Variants in FLRT2 observed in about 807,000 individuals in gnomAD.
FLRT2 encodes the protein fibronectin leucine rich transmembrane protein 2, also known as leucine-rich repeat transmembrane protein FLRT2.
A neutral mutation model predicts 40.0 loss-of-function variants in FLRT2; 15 were observed. The ratio of observed to expected loss-of-function variants is 0.38; its 90% CI spans 0.25 to 0.58. The LOEUF (loss-of-function observed/expected upper bound fraction) is 0.58, where lower values mean the gene tolerates loss of function less well. Among genes scored for constraint, FLRT2 ranks in the 20% least tolerant of loss-of-function variants. FLRT2 has a pLI of 0.71. For missense variants in FLRT2, 726 were observed against 840.0 expected (o/e 0.86, Z 1.68); for synonymous variants, 380 against 336.8 (o/e 1.13, Z -1.41).
At chr14:85,602,327 C>G (rs1175073805) in intron 1 of FLRT2, among the ~76,000 whole-genome samples, 1 of 152,176 alleles carries the variant, frequency 6.6e-6, no homozygotes, top group Non-Finnish European at 1.5e-5. Flanking sequence ...TTAGAATAGT[C>G]CCTTTGCTCC....
In FLRT2 at chr14:85,651,197, A is replaced by G. The variant is rs1368810415; in HGVS notation, c.*27700A>G. The stretch of plus-strand genomic sequence containing the variant: ...CTTTTTTGGTATATAGATATCTTTA[A>G]TTACATATTTCTAAATTATTTTCAT... On this transcript the variant is annotated 3_prime_UTR_variant, in exon 2 of 2. Coordinates refer to ENST00000330753, the MANE Select transcript of FLRT2 (RefSeq NM_013231.6). 2 of 151,744 alleles carry G rather than the reference A, an allele frequency of 1.3e-5. No homozygotes were observed. The highest frequency in any genetic ancestry group is 2.4e-5 in the African/African-American group (1 of 41,308). The allele number at this position is 151,744 out of a possible 1,614,324, so 9.4% of individuals were successfully genotyped here.
chr14:85,598,800 C>T (rs560749810), intron 1 of FLRT2, among the ~76,000 whole-genome samples: 2 of 152,254 alleles, frequency 1.3e-5, no homozygotes, highest in Admixed American at 1.3e-4. Flanking sequence ...TTCAATTTAC[C>T]TCCTTCTCCT....
rs1396381074 is a variant in FLRT2 at position 85,639,870 on chromosome 14, A to G, written c.*16373A>G. On this transcript the variant is annotated 3_prime_UTR_variant, in exon 2 of 2. Transcript: ENST00000330753. ...TTTTTCCTTTTTTTTTTTTTTTGAG[A>G]CAGTGTCTCGCTCTGTCCCCCAGGC... 11 of 89,962 alleles carry G rather than the reference A, an allele frequency of 1.2e-4. No individual in the cohort carries two copies. In the Admixed American group the frequency reaches 1.7e-3, roughly 14 times the overall value. 5.6% of individuals were successfully genotyped at this position (89,962 alleles called of 1,614,324 possible).
At position 85,636,426 on chromosome 14, in the gene FLRT2, A is replaced by T. The variant is rs569412596; in HGVS notation, c.*12929A>T. ...AAAAAAAACAAAAAACATTCTTATTAATCTTAACTAATTTTCTTTAGTGAC... is the reference window on the plus strand; with the variant it reads ...AAAAAAAACAAAAAACATTCTTATTTATCTTAACTAATTTTCTTTAGTGAC... On this transcript the variant is annotated 3_prime_UTR_variant, in exon 2 of 2. Coordinates refer to ENST00000330753, the MANE Select transcript of FLRT2 (RefSeq NM_013231.6). 1 of 146,194 alleles carries T rather than the reference A, an allele frequency of 6.8e-6. No individual in the cohort carries two copies. 9.1% of individuals were successfully genotyped at this position (146,194 alleles called of 1,614,324 possible).
Position 85,554,667 on chromosome 14 carries a change from T to C in FLRT2, c.-377+24133T>C, listed in dbSNP as rs188175499. 2.0e-4 allele frequency among the ~76,000 whole-genome samples: 31 copies of C among 152,380 alleles called. 1 individual carries two copies. The East Asian group carries it at 6.0e-3, about 29-fold the overall frequency. ...GTAAAATTGAATTCACTGACTTTGA[T>C]CTAAATAGTTAGGGTTGTGAATATT... On this transcript the variant is annotated intron_variant, in intron 1 of 1. Coordinates refer to ENST00000330753, the MANE Select transcript of FLRT2 (RefSeq NM_013231.6).
chr14:85,530,980 A>G (rs1245871620), intron 1 of FLRT2, among the ~76,000 whole-genome samples: 1 of 152,076 alleles, frequency 6.6e-6, no homozygotes, highest in Non-Finnish European at 1.5e-5. Flanking sequence ...GTATCTAAAG[A>G]CACCAACCTA....
chr14:85,550,905 A>T (rs1889582994), intron 1 of FLRT2, among the ~76,000 whole-genome samples: 1 of 152,168 alleles, frequency 6.6e-6, no homozygotes, highest in South Asian at 2.1e-4. Context: ...AAGAATAATT[A>T]ATCTGCTGGT....
In FLRT2 at chr14:85,623,130, C is replaced by T; in HGVS notation, c.1616C>T (p.Ser539Phe). 2 of 1,605,166 alleles carry T rather than the reference C, an allele frequency of 1.2e-6. No individual in the cohort carries two copies. Among genetic ancestry groups the T allele is most frequent in the Non-Finnish European group, 1.7e-6 (2 of 1,174,794 alleles). The change falls in exon 2 of 2, where the codon TCC (serine) becomes TTC (phenylalanine). Residue 539 changes from serine to phenylalanine, a missense_variant. Physicochemically the swap from Ser to Phe is radical, Grantham distance 155. Around this residue, in one of 3 missense-constraint regions of FLRT2, gnomAD observed 611 missense variants for 690.0 expected, o/e 0.89. Coordinates refer to ENST00000330753, the MANE Select transcript of FLRT2 (RefSeq NM_013231.6). ...CAGACGACGTCCCACAGCATGGGCT[C>T]CCCCTTTCTGCTGGCGGGCTTGATC... ...HEQTTSHSMG[S>F]PFLLAGLIGG...
intron 1 of FLRT2, among the ~76,000 whole-genome samples, chr14:85,541,353 C>T (rs749881078): frequency 1.3e-4 from 20 of 152,108 alleles, no homozygotes; most frequent in Admixed American, 6.5e-4. Flanking sequence ...GATCCCTCCA[C>T]TTGAGGCCAG....
rs752309509 is a variant in FLRT2, at chr14:85,649,562, T to C, written c.*26065T>C. ...AATGATGTGCAAAGATGATGCCAGATTGATCCTAACAAACATAAAGCTCAG... is the reference window on the plus strand; with the variant it reads ...AATGATGTGCAAAGATGATGCCAGACTGATCCTAACAAACATAAAGCTCAG... On this transcript the variant is annotated 3_prime_UTR_variant, in exon 2 of 2. Transcript: ENST00000330753. The C allele has an allele frequency of 6.6e-6, 1 of 152,124 alleles. No homozygotes were observed. Among genetic ancestry groups the C allele is most frequent in the Non-Finnish European group, 1.5e-5 (1 of 67,990 alleles). 9.4% of individuals were successfully genotyped at this position (152,124 alleles called of 1,614,324 possible).
intron 1 of FLRT2, among the ~76,000 whole-genome samples, chr14:85,583,727 C>CT (rs1340782570): frequency 1.3e-5 from 2 of 152,078 alleles, no homozygotes; most frequent in African/African-American, 4.8e-5. Flanking sequence ...TTGCCATGCC[C>CT]TAGAAAGAGC....
chr14:85,600,146 T>G (rs17713019), intron 1 of FLRT2, among the ~76,000 whole-genome samples: 2 of 152,178 alleles, frequency 1.3e-5, no homozygotes, highest in Non-Finnish European at 2.9e-5. Flanking sequence ...AATGATTCAT[T>G]TGGGCGATAA....
intron 1 of FLRT2, among the ~76,000 whole-genome samples, chr14:85,590,957 T>C (rs1359295157): frequency 1.3e-5 from 2 of 152,164 alleles, no homozygotes; most frequent in Non-Finnish European, 2.9e-5. Flanking sequence ...GAGTCAGACT[T>C]CTAATCACTC....
At chr14:85,539,849 T>A (rs899181887) in intron 1 of FLRT2, among the ~76,000 whole-genome samples, 1 of 152,220 alleles carries the variant, frequency 6.6e-6, no homozygotes, top group Non-Finnish European at 1.5e-5. Flanking sequence ...TTTCAGGAGC[T>A]TTCGCTCTTA....
At chr14:85,594,339 T>C (rs1370291131) in intron 1 of FLRT2, among the ~76,000 whole-genome samples, 3 of 152,130 alleles carry the variant, frequency 2.0e-5, no homozygotes, top group African/African-American at 7.2e-5. Context: ...GGATTTGTGT[T>C]GTGTGTGGAA....
chr14:85,540,560 C>T (rs973773058), intron 1 of FLRT2, among the ~76,000 whole-genome samples: 1 of 152,020 alleles, frequency 6.6e-6, no homozygotes, highest in Non-Finnish European at 1.5e-5. Context: ...AAAACAAATG[C>T]CTTGGTGAAA....
intron 1 of FLRT2, among the ~76,000 whole-genome samples, chr14:85,594,719 C>T (rs563744992): frequency 6.6e-6 from 1 of 152,212 alleles, no homozygotes; most frequent in Non-Finnish European, 1.5e-5. Flanking sequence ...CTAAAGTTTA[C>T]TTAATGGAGT....
In FLRT2 at chr14:85,643,378, T is replaced by TTCCTTCCTTCCTTCCTTCCTTTCCTTTC. The variant is rs1555373585; in HGVS notation, c.*19881_*19882insTCCTTCCTTCCTTCCTTCCTTTCCTTTC. On this transcript the variant is annotated 3_prime_UTR_variant, in exon 2 of 2. Transcript: ENST00000330753. ...TTCTTCCTTCCTTCCTTCCTTCCTT[T>TTCCTTCCTTCCTTCCTTCCTTTCCTTTC]CTTTCCTTTCTCCTTTTTCTTTTTT... The TTCCTTCCTTCCTTCCTTCCTTTCCTTTC allele has an allele frequency of 1.0e-5, 1 of 99,826 alleles. No homozygotes were observed. Among genetic ancestry groups the TTCCTTCCTTCCTTCCTTCCTTTCCTTTC allele is most frequent in the African/African-American group, 4.2e-5 (1 of 23,632 alleles). The allele number at this position is 99,826 out of a possible 1,614,324, so 6.2% of individuals were successfully genotyped here. A position where few individuals can be genotyped will look rare whatever the true frequency, so the allele number is the denominator to read the frequency against.
intron 1 of FLRT2, among the ~76,000 whole-genome samples, chr14:85,590,398 C>T (rs1013592790): frequency 6.6e-6 from 1 of 152,068 alleles, no homozygotes; most frequent in Non-Finnish European, 1.5e-5. Flanking sequence ...GAGTTTAGAA[C>T]TTGAAAAGCA....
Sources: gnomAD v4.1 joint callset for allele counts (sites outside exome capture counted in the v4.1 genomes callset) on GRCh38, gnomAD v4.1.1 for gene constraint, gnomAD v4.1.1 regional missense constraint, MANE v1.5 for transcripts, NCBI Gene and HGNC (gene_info 2026-07-23, HGNC 2026-07-21) for gene names.